The following SLC17A4 variants were observed in gnomAD, a reference collection of about 807,000 sequenced individuals.
SLC17A4 encodes probable small intestine urate exporter.
A neutral mutation model predicts 52.5 loss-of-function variants in SLC17A4; 33 were observed. That is an observed-to-expected ratio of 0.63 (90% confidence interval 0.48 to 0.84). The LOEUF (loss-of-function observed/expected upper bound fraction) is 0.84, where lower values mean the gene tolerates loss of function less well. SLC17A4 is among the 40% of genes least tolerant of loss of function. The probability of loss-of-function intolerance (pLI) is 0.00; values close to 1 mark genes in which losing one functional copy is unlikely to be tolerated. For missense variants in SLC17A4, 585 were observed against 597.1 expected (o/e 0.98, Z 0.21); for synonymous variants, 225 against 216.2 (o/e 1.04, Z -0.36).
rs868183891 is a variant in SLC17A4 at position 25,770,115 on chromosome 6, T to C, written c.346T>C (p.Ser116Pro). The C allele has an allele frequency of 3.7e-6, 6 of 1,613,962 alleles. No individual in the cohort carries two copies. The African/African-American group carries it at 6.7e-5, about 18-fold the overall frequency. ...TGAAATCCAGGGAATCATCCTCAGC[T>C]CCCTCAACTATGGCTCATTCTTGGC... The part of the protein sequence containing the change: ...SPEIQGIILS[S>P]LNYGSFLAPI... The change falls in exon 4 of 12, where the codon TCC becomes CCC. Residue 116 changes from serine (S) to proline (P), a missense_variant. Physicochemically the swap from Ser to Pro is moderately conservative, Grantham distance 74 (BLOSUM62 -1). Coordinates refer to ENST00000377905, the MANE Select transcript of SLC17A4 (RefSeq NM_005495.3).
intron 2 of SLC17A4, 27 bp downstream of exon 2, chr6:25,762,080 G>A (rs1339665888): frequency 6.3e-7 from 1 of 1,594,138 alleles, no homozygotes; most frequent in Non-Finnish European, 8.6e-7. Flanking sequence ...TAATCTGGTA[G>A]TAAATAAAAC....
intron 2 of SLC17A4, among the ~76,000 whole-genome samples, chr6:25,764,688 G>T (rs2151429041): frequency 6.6e-6 from 1 of 152,290 alleles, no homozygotes; most frequent in Non-Finnish European, 1.5e-5. Flanking sequence ...GTGTCCAGAA[G>T]CTGGGCAGAC....
At chr6:25,763,143 T>G (rs1023074901) in intron 2 of SLC17A4, among the ~76,000 whole-genome samples, 1 of 152,190 alleles carries the variant, frequency 6.6e-6, no homozygotes, top group Non-Finnish European at 1.5e-5. Flanking sequence ...AAGTGGAACT[T>G]CTATGGTCTT....
At chr6:25,769,694 T>C (rs1762318451) in intron 3 of SLC17A4, among the ~76,000 whole-genome samples, 1 of 152,108 alleles carries the variant, frequency 6.6e-6, no homozygotes, top group South Asian at 2.1e-4. Context: ...ATTTTACCAT[T>C]TAGTGGACAT....
intron 2 of SLC17A4, among the ~76,000 whole-genome samples, chr6:25,763,309 C>A (rs1281073756): frequency 6.6e-6 from 1 of 152,202 alleles, no homozygotes; most frequent in African/African-American, 2.4e-5. Flanking sequence ...TAACACTCAT[C>A]CTGTTTTGGT....
chr6:25,757,523 TG>T (rs1199186013), intron 1 of SLC17A4, among the ~76,000 whole-genome samples: 4 of 152,078 alleles, frequency 2.6e-5, no homozygotes, highest in Non-Finnish European at 4.4e-5. Context: ...ATTCCAAACT[TG>T]ATCTAAAAGT....
At chr6:25,764,571 G>A (rs1276728923) in intron 2 of SLC17A4, among the ~76,000 whole-genome samples, 5 of 152,220 alleles carry the variant, frequency 3.3e-5, no homozygotes, top group African/African-American at 2.4e-5. Context: ...TGAGAGAGGA[G>A]CCAAGAGCTC....
At chr6:25,769,404 G>A (rs1337155260) in intron 3 of SLC17A4, among the ~76,000 whole-genome samples, 2 of 151,834 alleles carry the variant, frequency 1.3e-5, no homozygotes, top group Non-Finnish European at 2.9e-5. Context: ...CTAAAAATAT[G>A]AAAATCAGCC....
intron 2 of SLC17A4, among the ~76,000 whole-genome samples, chr6:25,765,225 T>C (rs974155594): frequency 6.6e-6 from 1 of 152,264 alleles, no homozygotes; most frequent in African/African-American, 2.4e-5. Context: ...GGTACACTTA[T>C]GAAAGATAAC....
rs915125921 is a variant in SLC17A4 at position 25,780,539 on chromosome 6, A to G, written c.*1351A>G. On this transcript the variant is annotated 3_prime_UTR_variant, in exon 12 of 12. Transcript: ENST00000377905. ...TCATGGCAGGAGGGAGAAATTAGCT[A>G]TGGCCAGAGTATAGAGAATAAGGGA... is the stretch of plus-strand genomic sequence containing the variant. 2 of 151,912 alleles carry G rather than the reference A, an allele frequency of 1.3e-5. No homozygotes were observed. The highest frequency in any genetic ancestry group is 4.8e-5 in the African/African-American group (2 of 41,426). The allele number at this position is 151,912 out of a possible 1,614,324, so 9.4% of individuals were successfully genotyped here. A position where few individuals can be genotyped will look rare whatever the true frequency, so the allele number is the denominator to read the frequency against.
chr6:25,755,676 C>A (rs1019459645), intron 1 of SLC17A4, among the ~76,000 whole-genome samples: 1 of 152,202 alleles, frequency 6.6e-6, no homozygotes, highest in Non-Finnish European at 1.5e-5. Flanking sequence ...TGATGACTCA[C>A]ACATTTATAT....
At chr6:25,757,433 T>C (rs1761118163) in intron 1 of SLC17A4, among the ~76,000 whole-genome samples, 2 of 152,134 alleles carry the variant, frequency 1.3e-5, no homozygotes, top group African/African-American at 4.8e-5. Context: ...TTGTCAGTAG[T>C]AATAGATTTA....
chr6:25,765,332 A>G (rs905115517), intron 2 of SLC17A4, among the ~76,000 whole-genome samples: 2 of 152,192 alleles, frequency 1.3e-5, no homozygotes, highest in African/African-American at 2.4e-5. Context: ...TCTCACAACA[A>G]TCCTTCAGGA....
At chr6:25,775,531 G>C (rs1359581562) in intron 8 of SLC17A4, among the ~76,000 whole-genome samples, 2 of 151,932 alleles carry the variant, frequency 1.3e-5, no homozygotes, top group African/African-American at 4.8e-5. Context: ...GACCTCCCAG[G>C]CTCAAGCAAT....
intron 6 of SLC17A4, among the ~76,000 whole-genome samples, chr6:25,771,544 A>G (rs1225547600): frequency 4.0e-5 from 6 of 151,892 alleles, no homozygotes. Flanking sequence ...ACTGCACTCC[A>G]GCCTGTGTGA....
In SLC17A4 at chr6:25,777,992, T is replaced by G; in HGVS notation, c.1335T>G (p.Thr445=). Residue 445 remains threonine, a synonymous_variant, in exon 11 of 12, where the codon ACT becomes ACG. Coordinates refer to ENST00000377905, the MANE Select transcript of SLC17A4 (RefSeq NM_005495.3). The part of the protein sequence containing the change: ...FAHIAGAISP[T]AAGFFISQDS... The stretch of plus-strand genomic sequence containing the variant: ...ACATAGCTGGAGCCATCTCTCCTAC[T>G]GCTGCTGGATTTTTCATCAGTCAGG... 1 of 1,612,704 alleles carries G rather than the reference T, an allele frequency of 6.2e-7. No individual in the cohort carries two copies. The highest frequency in any genetic ancestry group is 1.7e-5 in the Admixed American group (1 of 59,992).
At chr6:25,756,096 C>T (rs1760991250) in intron 1 of SLC17A4, among the ~76,000 whole-genome samples, 1 of 152,122 alleles carries the variant, frequency 6.6e-6, no homozygotes, top group South Asian at 2.1e-4. Context: ...CCTTTACAGC[C>T]CATGTGCCAC....
intron 1 of SLC17A4, among the ~76,000 whole-genome samples, chr6:25,755,888 G>A (rs757753853): frequency 3.3e-5 from 5 of 152,158 alleles, no homozygotes; most frequent in African/African-American, 1.2e-4. Context: ...TGCTCAAGCC[G>A]TAAGTCTAGA....
At position 25,780,982 on chromosome 6, in the gene SLC17A4, G is replaced by T. The variant is rs910066260; in HGVS notation, c.*1794G>T. 1 of 152,118 alleles carries T rather than the reference G, an allele frequency of 6.6e-6. No individual in the cohort carries two copies. The highest frequency in any genetic ancestry group is 2.4e-5 in the African/African-American group (1 of 41,426). 9.4% of individuals were successfully genotyped at this position (152,118 alleles called of 1,614,324 possible). A position where few individuals can be genotyped will look rare whatever the true frequency, so the allele number is the denominator to read the frequency against. Reference sequence around the variant, plus strand: ...AGTGTAGACAACAAGAAGGAAAATGGACACATGACTCTGGATTTCTCTTGT... The same window carrying T: ...AGTGTAGACAACAAGAAGGAAAATGTACACATGACTCTGGATTTCTCTTGT... On this transcript the variant is annotated 3_prime_UTR_variant, in exon 12 of 12. Coordinates refer to ENST00000377905, the MANE Select transcript of SLC17A4 (RefSeq NM_005495.3).
Sources: gnomAD v4.1 joint callset for allele counts (sites outside exome capture counted in the v4.1 genomes callset) on GRCh38, gnomAD v4.1.1 for gene constraint, MANE v1.5 for transcripts, NCBI Gene and HGNC (gene_info 2026-07-23, HGNC 2026-07-21) for gene names.